RAP1GAP2: variants seen among roughly 807,000 people sequenced by gnomAD.
The protein encoded by RAP1GAP2 is RAP1 GTPase activating protein 2, also known as rap1 GTPase-activating protein 2.
RAP1GAP2 carries 27 observed loss-of-function variants against 95.0 expected under a neutral mutation model. The observed-to-expected ratio is 0.28, with a 90% CI of 0.21 to 0.39. The LOEUF (loss-of-function observed/expected upper bound fraction) is 0.39, where lower values mean the gene tolerates loss of function less well. RAP1GAP2 is among the 10% of genes least tolerant of loss of function. RAP1GAP2 has a pLI of 1.00. For missense variants in RAP1GAP2, 771 were observed against 970.0 expected (o/e 0.79, Z 2.72); for synonymous variants, 373 against 380.9 (o/e 0.98, Z 0.24).
intron 8 of RAP1GAP2, among the ~76,000 whole-genome samples, chr17:2,974,484 G>T (rs896236613): frequency 4.6e-5 from 7 of 152,088 alleles, no homozygotes; most frequent in Non-Finnish European, 7.3e-5. Flanking sequence ...AAGAATTACT[G>T]AAGGATACAC....
chr17:2,888,977 T>G (rs1391303606), intron 2 of RAP1GAP2, among the ~76,000 whole-genome samples: 1 of 152,100 alleles, frequency 6.6e-6, no homozygotes, highest in East Asian at 1.9e-4. Context: ...CACCTTTTCT[T>G]TGTACATTCT....
At chr17:3,022,783 G>A (rs1342804020) in intron 19 of RAP1GAP2, among the ~76,000 whole-genome samples, 1 of 152,072 alleles carries the variant, frequency 6.6e-6, no homozygotes, top group Non-Finnish European at 1.5e-5. Context: ...GTGGTTTTGA[G>A]GTCTCATCTA....
chr17:2,947,172 C>T (rs1050029047), intron 3 of RAP1GAP2, among the ~76,000 whole-genome samples: 3 of 151,848 alleles, frequency 2.0e-5, no homozygotes, highest in Admixed American at 1.3e-4. Context: ...ACCTCTGAAA[C>T]GCTCCAGCAG....
intron 1 of RAP1GAP2, among the ~76,000 whole-genome samples, chr17:2,783,731 T>C (rs1010669605): frequency 2.0e-5 from 3 of 152,224 alleles, no homozygotes; most frequent in Admixed American, 1.3e-4. Context: ...GGGATAACGC[T>C]TCTCCACTCA....
intron 2 of RAP1GAP2, among the ~76,000 whole-genome samples, chr17:2,808,769 C>T (rs1306631347): frequency 9.9e-5 from 15 of 152,132 alleles, no homozygotes; most frequent in Admixed American, 9.8e-4. Flanking sequence ...CAGGATGGGC[C>T]CTGTGCCTGA....
intron 1 of RAP1GAP2, among the ~76,000 whole-genome samples, chr17:2,762,133 G>A (rs1395832503): frequency 2.7e-5 from 4 of 150,934 alleles, no homozygotes; most frequent in Admixed American, 6.6e-5. Flanking sequence ...GACTACAGGC[G>A]CCCGCCACCA....
intron 22 of RAP1GAP2, among the ~76,000 whole-genome samples, chr17:3,030,717 A>C (rs1005242213): frequency 1.4e-4 from 21 of 152,298 alleles, no homozygotes; most frequent in Middle Eastern, 3.4e-3. Context: ...TCAACTTTAA[A>C]AAATGGCCTG....
At chr17:2,893,214 T>A (rs896524979) in intron 2 of RAP1GAP2, among the ~76,000 whole-genome samples, 6 of 151,984 alleles carry the variant, frequency 3.9e-5, no homozygotes, top group African/African-American at 1.2e-4. Flanking sequence ...TTTTATTTTT[T>A]ATTTTTAGTA....
intron 2 of RAP1GAP2, among the ~76,000 whole-genome samples, chr17:2,802,417 T>A (rs2069339899): frequency 6.6e-6 from 1 of 152,222 alleles, no homozygotes; most frequent in Non-Finnish European, 1.5e-5. Context: ...TCTGTTGAGC[T>A]GATGCCAGGA....
In RAP1GAP2 at chr17:2,796,444, C is replaced by T; in HGVS notation, c.-84C>T. The T allele has an allele frequency of 6.7e-7, 1 of 1,481,626 alleles. No individual in the cohort carries two copies. Among genetic ancestry groups the T allele is most frequent in the Non-Finnish European group, 9.2e-7 (1 of 1,085,814 alleles). 91.8% of individuals were successfully genotyped at this position (1,481,626 alleles called of 1,614,324 possible). ...CTCCCCGCCCTGCACCGGCACTGAC[C>T]CCGCTGTACCACGGCCCTCTTGCGG... On this transcript the variant is annotated 5_prime_UTR_variant, in exon 1 of 25. Coordinates refer to ENST00000254695, the MANE Select transcript of RAP1GAP2 (RefSeq NM_015085.5). The surrounding 1 kb of genome is among the most constrained non-coding windows in gnomAD (Gnocchi z 4.7).
At chr17:2,924,887 GC>G (rs1182385712) in intron 3 of RAP1GAP2, among the ~76,000 whole-genome samples, 1 of 152,152 alleles carries the variant, frequency 6.6e-6, no homozygotes, top group Admixed American at 6.5e-5. Context: ...CCTCCGGGGG[GC>G]TAGTGGGTGG....
chr17:2,889,876 TATATATATATA>T (rs1436118666), intron 2 of RAP1GAP2, among the ~76,000 whole-genome samples: 3 of 78,480 alleles, frequency 3.8e-5, no homozygotes, highest in Non-Finnish European at 4.7e-5. Context: ...TATATATATA[TATATATATATA>T]TATTTTTTTT....
intron 2 of RAP1GAP2, among the ~76,000 whole-genome samples, chr17:2,815,939 A>C (rs552798750): frequency 6.6e-6 from 1 of 152,364 alleles, no homozygotes; most frequent in African/African-American, 2.4e-5. Flanking sequence ...CCTGTGGTAC[A>C]TGCGTGGACG....
chr17:2,781,228 G>C (rs2068638350), intron 1 of RAP1GAP2, among the ~76,000 whole-genome samples: 1 of 152,220 alleles, frequency 6.6e-6, no homozygotes, highest in South Asian at 2.1e-4. Flanking sequence ...CCTGCTGGCT[G>C]CGCTCTGCCA....
chr17:2,961,997 G>A (rs1463928245), intron 4 of RAP1GAP2, among the ~76,000 whole-genome samples: 1 of 151,642 alleles, frequency 6.6e-6, no homozygotes, highest in African/African-American at 2.4e-5. Flanking sequence ...CTGCCTCCCG[G>A]GTTCAAGCAA....
At chr17:2,978,024 A>G (rs2045201782) in intron 8 of RAP1GAP2, among the ~76,000 whole-genome samples, 1 of 152,120 alleles carries the variant, frequency 6.6e-6, no homozygotes, top group Non-Finnish European at 1.5e-5. Flanking sequence ...TATATCTTTC[A>G]CCCACACATG....
At chr17:2,815,092 C>T (rs1050385012) in intron 2 of RAP1GAP2, among the ~76,000 whole-genome samples, 6 of 152,110 alleles carry the variant, frequency 3.9e-5, no homozygotes, top group Non-Finnish European at 7.4e-5. Flanking sequence ...ATGCAGCTTC[C>T]GGACCCCACC....
At chr17:2,884,599 C>T (rs966185346) in intron 2 of RAP1GAP2, among the ~76,000 whole-genome samples, 6 of 151,936 alleles carry the variant, frequency 3.9e-5, no homozygotes, top group African/African-American at 1.5e-4. Flanking sequence ...GTCTCAAACT[C>T]CTGACCTCAG....
At chr17:2,907,761 T>A (rs1760978565) in intron 3 of RAP1GAP2, among the ~76,000 whole-genome samples, 2 of 152,054 alleles carry the variant, frequency 1.3e-5, no homozygotes, top group South Asian at 4.2e-4. Flanking sequence ...GCGAGCCCCT[T>A]AGAAATGCAG....
Sources: gnomAD v4.1 joint callset for allele counts (sites outside exome capture counted in the v4.1 genomes callset) on GRCh38, gnomAD v4.1.1 for gene constraint, Gnocchi (gnomAD v3.1) non-coding constraint, MANE v1.5 for transcripts, NCBI Gene and HGNC (gene_info 2026-07-23, HGNC 2026-07-21) for gene names.